The following ADAMTS8 variants were observed in gnomAD, a reference collection of about 807,000 sequenced individuals.
ADAMTS8 encodes ADAM metallopeptidase with thrombospondin type 1 motif 8.
In ADAMTS8, 50 loss-of-function variants were observed where a neutral mutation model predicts 64.4. The ratio of observed to expected loss-of-function variants is 0.78; its 90% CI spans 0.62 to 0.98. The LOEUF is 0.98. Among genes scored for constraint, ADAMTS8 ranks in the 50% least tolerant of loss-of-function variants. ADAMTS8 has a pLI of 0.00. For missense variants in ADAMTS8, 1,192 were observed against 1,208.2 expected (o/e 0.99, Z 0.20); for synonymous variants, 556 against 533.6 (o/e 1.04, Z -0.58).
At chr11:130,409,139 C>T (rs767787788) in intron 6 of ADAMTS8, among the ~76,000 whole-genome samples, 199 bp from the exon 7 acceptor site, 3 of 152,178 alleles carry the variant, frequency 2.0e-5, no homozygotes, top group Non-Finnish European at 4.4e-5. Flanking sequence ...GGAAAGGAGC[C>T]TCCAGCCGCA....
Position 130,428,594 on chromosome 11 carries a change from C to T in ADAMTS8, c.-308G>A, listed in dbSNP as rs1372480593. The T allele has an allele frequency of 2.8e-5, 8 of 282,980 alleles. No individual in the cohort carries two copies. Among genetic ancestry groups the T allele is most frequent in the Admixed American group, 6.5e-5 (1 of 15,366 alleles). 17.5% of individuals were successfully genotyped at this position (282,980 alleles called of 1,614,324 possible). A position where few individuals can be genotyped will look rare whatever the true frequency, so the allele number is the denominator to read the frequency against. On this transcript the variant is annotated 5_prime_UTR_variant, in exon 1 of 9. Transcript: ENST00000257359. Reference sequence around the variant, plus strand: ...GCGCAGCCGCCTCCTGCCTCCTCCCCACCCCGGGAAGCACCGAGTGGGCTG... The same window carrying T: ...GCGCAGCCGCCTCCTGCCTCCTCCCTACCCCGGGAAGCACCGAGTGGGCTG...
chr11:130,408,009 C>A (rs778443986), intron 8 of ADAMTS8, among the ~76,000 whole-genome samples: 2 of 152,062 alleles, frequency 1.3e-5, no homozygotes, highest in African/African-American at 2.4e-5. Context: ...TGCCAGGGCC[C>A]CTTTTTGGTA....
rs1592137430 is a variant in ADAMTS8, at chr11:130,428,505, C to A, written c.-219G>T. On this transcript the variant is annotated 5_prime_UTR_variant, in exon 1 of 9. Transcript: ENST00000257359. The stretch of plus-strand genomic sequence containing the variant: ...TCCTCCCGCGCCGCCGCCCCCGAGC[C>A]GAGCGCGAGCAGCTGGCCCCGGCCC... 1 of 953,742 alleles carries A rather than the reference C, an allele frequency of 1.0e-6. No individual in the cohort carries two copies. Among genetic ancestry groups the A allele is most frequent in the South Asian group, 4.7e-5 (1 of 21,294 alleles). The allele number at this position is 953,742 out of a possible 1,614,324, so 59.1% of individuals were successfully genotyped here.
intron 2 of ADAMTS8, among the ~76,000 whole-genome samples, 197 bp downstream of exon 2, chr11:130,418,856 A>G (rs1374585100): frequency 6.6e-6 from 1 of 152,068 alleles, no homozygotes; most frequent in African/African-American, 2.4e-5. Context: ...GAGCCCTTAC[A>G]AGATTCTTCT....
rs780813621 is a variant in ADAMTS8, at chr11:130,428,106, C to T, written c.181G>A (p.Gly61Ser). Residue 61 changes from glycine to serine, a missense_variant, in exon 1 of 9, where the codon GGC (glycine) becomes AGC (serine). Gly to Ser is a moderately conservative substitution (Grantham distance 56). This residue lies in a region of ADAMTS8 where 741 missense variants were observed against 710.6 expected (regional missense o/e 1.04). Coordinates refer to ENST00000257359, the MANE Select transcript of ADAMTS8 (RefSeq NM_007037.6). The part of the protein sequence containing the change: ...GELALHLSAF[G>S]KGFVLRLAPD... ...GCCAGGCGCAGCACGAAGCCCTTGC[C>T]GAAGGCGGACAGGTGGAGCGCGAGC... 6.5e-7 allele frequency: 1 copy of T among 1,531,788 alleles called. No individual in the cohort carries two copies. Among genetic ancestry groups the T allele is most frequent in the Non-Finnish European group, 8.7e-7 (1 of 1,148,790 alleles). The allele number at this position is 1,531,788 out of a possible 1,614,324, so 94.9% of individuals were successfully genotyped here.
intron 1 of ADAMTS8, among the ~76,000 whole-genome samples, chr11:130,425,002 G>A (rs924503571): frequency 1.3e-5 from 2 of 152,138 alleles, no homozygotes; most frequent in South Asian, 2.1e-4. Context: ...AGAGGTGCCC[G>A]ATGCCTGTTT....
intron 8 of ADAMTS8, among the ~76,000 whole-genome samples, chr11:130,407,654 G>A (rs1490614001): frequency 1.3e-5 from 2 of 152,326 alleles, no homozygotes; most frequent in African/African-American, 4.8e-5. Context: ...CAGACAGGCA[G>A]AGTGTGGCCC....
intron 8 of ADAMTS8, 72 bp from the exon 9 acceptor site, chr11:130,406,200 C>T: frequency 6.6e-7 from 1 of 1,515,904 alleles, no homozygotes; most frequent in Non-Finnish European, 8.8e-7. Context: ...GCCTTGGAGA[C>T]TGAAGTGGGC....
At chr11:130,412,322 C>T (rs1861963152) in intron 5 of ADAMTS8, among the ~76,000 whole-genome samples, 2 of 152,084 alleles carry the variant, frequency 1.3e-5, no homozygotes, top group South Asian at 4.2e-4. Flanking sequence ...CAAATGATTC[C>T]TGTGCCTCGG....
rs1219382863 is a variant in ADAMTS8 at position 130,405,548 on chromosome 11, C to T, written c.*10G>A. On this transcript the variant is annotated 3_prime_UTR_variant, in exon 9 of 9. Transcript: ENST00000257359. ...TCCAGGAGCACAAGACTGGCCCCTG[C>T]CCCCCTGAATCACAGGGGGCACAGC... 4 of 1,584,440 alleles carry T rather than the reference C, an allele frequency of 2.5e-6. No homozygotes were observed. Among genetic ancestry groups the T allele is most frequent in the Admixed American group, 1.7e-5 (1 of 58,088 alleles).
chr11:130,418,950 G>A, intron 2 of ADAMTS8, 103 bp downstream of exon 2: 1 of 1,553,126 alleles, frequency 6.4e-7, no homozygotes, highest in South Asian at 1.2e-5. Context: ...GCTGGGGCCA[G>A]CAGGGAGACG....
Position 130,427,553 on chromosome 11 carries a change from G to C in ADAMTS8, c.720+14C>G. Reference sequence around the variant, plus strand: ...CCTCCGGGCACGGCGGCTGGAGGAGGCTCTCAGTCCTACCTGCAGGTCGGC... The same window carrying C: ...CCTCCGGGCACGGCGGCTGGAGGAGCCTCTCAGTCCTACCTGCAGGTCGGC... On this transcript the variant is annotated intron_variant, in intron 1 of 8. Coordinates refer to ENST00000257359, the MANE Select transcript of ADAMTS8 (RefSeq NM_007037.6). 2 of 1,534,504 alleles carry C rather than the reference G, an allele frequency of 1.3e-6. No individual in the cohort carries two copies. Among genetic ancestry groups the C allele is most frequent in the Non-Finnish European group, 1.7e-6 (2 of 1,146,082 alleles).
rs1459266996 is a variant in ADAMTS8, at chr11:130,405,926, C to T, written c.2302G>A (p.Gly768Ser). 2.2e-5 allele frequency: 35 copies of T among 1,614,100 alleles called. No individual in the cohort carries two copies. The highest frequency in any genetic ancestry group is 2.6e-5 in the Non-Finnish European group (31 of 1,179,960). Residue 768 changes from glycine (G) to serine (S), a missense_variant, in exon 9 of 9, where the codon GGC (glycine) becomes AGC (serine). By Grantham distance (56) the Gly-to-Ser change is moderately conservative (BLOSUM62 0). This residue lies in a region of ADAMTS8 where 4 missense variants were observed against 18.2 expected (regional missense o/e 0.22). Transcript: ENST00000257359. ...AGGCGCTCCAGGGTGGCGATGGAGC[C>T]GCTGTACTTCAGGATGGTCCCCTTC... The part of the protein sequence containing the change: ...LVKGTILKYS[G>S]SIATLERLQS...
At chr11:130,415,930 G>C (rs984594457) in intron 4 of ADAMTS8, among the ~76,000 whole-genome samples, 1 of 152,172 alleles carries the variant, frequency 6.6e-6, no homozygotes, top group Non-Finnish European at 1.5e-5. Context: ...CAACCTTCTC[G>C]GATGACTTCC....
At chr11:130,419,337 T>C in intron 1 of ADAMTS8, 45 bp from the exon 2 acceptor site, 1 of 1,610,626 alleles carries the variant, frequency 6.2e-7, no homozygotes, top group Non-Finnish European at 8.5e-7. Flanking sequence ...GGGTTAAGTC[T>C]CAGGGCCCTT....
At chr11:130,414,467 G>A (rs1418146244) in intron 5 of ADAMTS8, 64 bp downstream of exon 5, 1 of 1,519,272 alleles carries the variant, frequency 6.6e-7, no homozygotes, top group African/African-American at 1.4e-5. Flanking sequence ...ACAGCCCTCA[G>A]TCCTCCCCAT....
chr11:130,417,532 C>T (rs1280774143), intron 2 of ADAMTS8, among the ~76,000 whole-genome samples: 1 of 152,100 alleles, frequency 6.6e-6, no homozygotes, highest in Non-Finnish European at 1.5e-5. Flanking sequence ...GCTGGGATTA[C>T]AGCCGTGAGC....
intron 1 of ADAMTS8, 90 bp downstream of exon 1, chr11:130,427,472 TTTCTC>T: frequency 1.0e-5 from 11 of 1,054,626 alleles, no homozygotes; most frequent in Non-Finnish European, 1.4e-5. Context: ...TTTTTTTTTT[TTTCTC>T]AGAGGGATTG....
chr11:130,414,892 T>C, intron 4 of ADAMTS8, 60 bp from the exon 5 acceptor site: 1 of 1,476,358 alleles, frequency 6.8e-7, no homozygotes, highest in South Asian at 1.4e-5. Context: ...CTCTCAGCTC[T>C]TCATGGCCTG....
Sources: gnomAD v4.1 joint callset for allele counts (sites outside exome capture counted in the v4.1 genomes callset) on GRCh38, gnomAD v4.1.1 for gene constraint, gnomAD v4.1.1 regional missense constraint, MANE v1.5 for transcripts, NCBI Gene and HGNC (gene_info 2026-07-23, HGNC 2026-07-21) for gene names.